AGBL4: variants seen among roughly 807,000 people sequenced by gnomAD.
The protein encoded by AGBL4 is cytosolic carboxypeptidase 6.
A neutral mutation model predicts 66.4 loss-of-function variants in AGBL4; 58 were observed. That is an observed-to-expected ratio of 0.87 (90% CI 0.71 to 1.09). The LOEUF (loss-of-function observed/expected upper bound fraction) is 1.09. Among genes scored for constraint, AGBL4 ranks in the 50% least tolerant of loss-of-function variants. The probability of loss-of-function intolerance (pLI) is 0.00; values close to 1 mark genes in which losing one functional copy is unlikely to be tolerated. For synonymous variants in AGBL4, 234 were observed against 222.9 expected (o/e 1.05, Z -0.44); for missense variants, 579 against 631.0 (o/e 0.92, Z 0.88).
At chr1:49,645,104 C>T (rs377740919) in intron 3 of AGBL4, among the ~76,000 whole-genome samples, 3 of 151,290 alleles carry the variant, frequency 2.0e-5, no homozygotes, top group African/African-American at 7.3e-5. Context: ...AGAGAATTTA[C>T]GTTATTAAAA....
intron 6 of AGBL4, among the ~76,000 whole-genome samples, chr1:48,863,468 T>G (rs956145738): frequency 5.3e-5 from 8 of 152,090 alleles, no homozygotes; most frequent in Admixed American, 5.2e-4. Flanking sequence ...ATTATTATAC[T>G]GTATTTTAAA....
intron 2 of AGBL4, among the ~76,000 whole-genome samples, chr1:49,702,932 C>T (rs1009606213): frequency 6.6e-6 from 1 of 152,062 alleles, no homozygotes; most frequent in East Asian, 1.9e-4. Context: ...ACACAAGGGA[C>T]CTTCCTCAAA....
At chr1:48,678,714 A>C (rs1414652298) in intron 6 of AGBL4, among the ~76,000 whole-genome samples, 1 of 152,196 alleles carries the variant, frequency 6.6e-6, no homozygotes, top group Non-Finnish European at 1.5e-5. Flanking sequence ...CAAAGGTGGT[A>C]AATGTCTATT....
rs112955763 is a variant in AGBL4 at position 49,037,541 on chromosome 1, T to G, written c.594+8043A>C. On this transcript the variant is annotated intron_variant, in intron 5 of 13. Coordinates refer to ENST00000371839, the MANE Select transcript of AGBL4 (RefSeq NM_032785.4). ...GCATCCTCTGTCACCACCCTTCCTATTTTTCTTAGGCTGACCCTGTGCTTT... is the reference window on the plus strand; with the variant it reads ...GCATCCTCTGTCACCACCCTTCCTAGTTTTCTTAGGCTGACCCTGTGCTTT... Among the ~76,000 whole-genome samples, 868 of 152,208 alleles carry G rather than the reference T, an allele frequency of 5.7e-3. 6 individuals carry two copies. Among genetic ancestry groups the G allele is most frequent in the Non-Finnish European group, 7.2e-3 (488 of 68,002 alleles).
intron 1 of AGBL4, among the ~76,000 whole-genome samples, chr1:49,899,180 A>G (rs979501628): frequency 6.6e-6 from 1 of 152,176 alleles, no homozygotes; most frequent in African/African-American, 2.4e-5. Context: ...TGAATACCCA[A>G]TTTTCCATGA....
intron 6 of AGBL4, among the ~76,000 whole-genome samples, chr1:48,781,023 C>A (rs917809446): frequency 6.6e-6 from 1 of 152,126 alleles, no homozygotes; most frequent in East Asian, 1.9e-4. Context: ...TCCCAGTGAT[C>A]GAAGGGCAGA....
In AGBL4 at chr1:49,255,978, A is replaced by T. The variant is rs1170735561; in HGVS notation, c.283-10114T>A. Among the ~76,000 whole-genome samples, 3 of 152,266 alleles carry T rather than the reference A, an allele frequency of 2.0e-5. No homozygotes were observed. The East Asian group carries it at 5.8e-4, about 29-fold the overall frequency. Reference sequence around the variant, plus strand: ...TAAATGATAACACATGGTCACACAGAGGGGAACAACACACACTGGGGCCTA... The same window carrying T: ...TAAATGATAACACATGGTCACACAGTGGGGAACAACACACACTGGGGCCTA... On this transcript the variant is annotated intron_variant, in intron 3 of 13. Transcript: ENST00000371839.
chr1:50,018,740 C>T (rs1213737587), intron 1 of AGBL4, among the ~76,000 whole-genome samples: 1 of 151,974 alleles, frequency 6.6e-6, no homozygotes, highest in Non-Finnish European at 1.5e-5. Flanking sequence ...CAGACATGAT[C>T]AAAGAGCCTT....
intron 3 of AGBL4, among the ~76,000 whole-genome samples, chr1:49,656,221 T>C (rs1191986808): frequency 1.3e-5 from 2 of 151,258 alleles, no homozygotes; most frequent in African/African-American, 4.9e-5. Flanking sequence ...GAGAATACCA[T>C]AAACACCTCT....
intron 1 of AGBL4, among the ~76,000 whole-genome samples, chr1:50,020,507 C>T (rs2148452312): frequency 6.6e-6 from 1 of 152,114 alleles, no homozygotes; most frequent in South Asian, 2.1e-4. Context: ...GGATCTGAGC[C>T]CATTTCTTTC....
At chr1:49,780,949 C>T (rs988208098) in intron 2 of AGBL4, among the ~76,000 whole-genome samples, 2 of 152,036 alleles carry the variant, frequency 1.3e-5, no homozygotes, top group Admixed American at 6.5e-5. Flanking sequence ...CAACAACATC[C>T]AACTAACTAT....
At chr1:49,427,406 A>C (rs887246783) in intron 3 of AGBL4, among the ~76,000 whole-genome samples, 2 of 150,894 alleles carry the variant, frequency 1.3e-5, no homozygotes, top group African/African-American at 4.9e-5. Flanking sequence ...TAAAGCTTGG[A>C]ATACCATGAG....
chr1:49,053,567 A>G (rs1244593985), intron 4 of AGBL4, among the ~76,000 whole-genome samples: 2 of 152,150 alleles, frequency 1.3e-5, no homozygotes, highest in African/African-American at 4.8e-5. Flanking sequence ...GGTTAGGAGA[A>G]TTTGAAATAT....
chr1:49,731,758 T>C (rs1188301796), intron 2 of AGBL4, among the ~76,000 whole-genome samples: 1 of 152,086 alleles, frequency 6.6e-6, no homozygotes, highest in Non-Finnish European at 1.5e-5. Context: ...TTGAAAAGTA[T>C]AAATATGAAA....
chr1:49,314,138 T>C (rs998149190), intron 3 of AGBL4, among the ~76,000 whole-genome samples: 5 of 152,220 alleles, frequency 3.3e-5, no homozygotes, highest in African/African-American at 1.2e-4. Context: ...CTTTCCCCAC[T>C]GCTTGTTTTT....
At chr1:49,272,041 G>A (rs543087643) in intron 3 of AGBL4, among the ~76,000 whole-genome samples, 1 of 152,296 alleles carries the variant, frequency 6.6e-6, no homozygotes, top group East Asian at 1.9e-4. Flanking sequence ...TACAATGAAT[G>A]TTATTTGTTA....
chr1:48,607,984 C>T (rs934159039), intron 9 of AGBL4, among the ~76,000 whole-genome samples: 7 of 152,192 alleles, frequency 4.6e-5, no homozygotes, highest in African/African-American at 1.7e-4. Flanking sequence ...ATTGAAGTCA[C>T]AAAGCTTCTA....
chr1:49,060,629 C>T (rs1414288397), intron 4 of AGBL4, among the ~76,000 whole-genome samples: 1 of 152,110 alleles, frequency 6.6e-6, no homozygotes, highest in Non-Finnish European at 1.5e-5. Context: ...ACCTCCAGCA[C>T]AAAGTAGTTA....
At chr1:49,874,899 T>C (rs1245888046) in intron 1 of AGBL4, among the ~76,000 whole-genome samples, 1 of 151,472 alleles carries the variant, frequency 6.6e-6, no homozygotes, top group Non-Finnish European at 1.5e-5. Context: ...TATGTATACA[T>C]GTGACATGCT....
Sources: gnomAD v4.1 joint callset for allele counts (sites outside exome capture counted in the v4.1 genomes callset) on GRCh38, gnomAD v4.1.1 for gene constraint, MANE v1.5 for transcripts, NCBI Gene and HGNC (gene_info 2026-07-23, HGNC 2026-07-21) for gene names.